Variants in PTPRQ observed in about 807,000 individuals in gnomAD.
PTPRQ encodes the protein protein tyrosine phosphatase receptor type Q.
PTPRQ carries 199 observed loss-of-function variants against 246.0 expected under a neutral mutation model. That is an observed-to-expected ratio of 0.81 (90% confidence interval 0.72 to 0.91). PTPRQ has a LOEUF of 0.91. PTPRQ is among the 40% of genes least tolerant of loss of function. The pLI is 0.00. For missense variants in PTPRQ, 2,624 were observed against 2,528.4 expected (o/e 1.04, Z -0.81); for synonymous variants, 869 against 853.2 (o/e 1.02, Z -0.32).
intron 24 of PTPRQ, among the ~76,000 whole-genome samples, chr12:80,547,870 GC>G (rs1896354974): frequency 6.6e-6 from 1 of 152,048 alleles, no homozygotes. Context: ...TATTACTGTT[GC>G]CCCCATTCCC....
chr12:80,547,433 C>T (rs892827738), intron 24 of PTPRQ, among the ~76,000 whole-genome samples: 51 of 151,908 alleles, frequency 3.4e-4, no homozygotes, highest in Non-Finnish European at 5.3e-4. Flanking sequence ...GTCATTTCTT[C>T]TTATCAGCTC....
rs562555844 is a variant in PTPRQ at position 80,484,408 on chromosome 12, T to TTTTC, written c.1187-6_1187-3dup. ...AAATATTTTTAATTTCCCCCTTTTC[T>TTTTC]TTTCTTTCTTTCTTTCTTTCTTAGT... On this transcript the variant is annotated intron_variant, in intron 8 of 44. Transcript: ENST00000644991. The TTTTC allele has an allele frequency of 0.018, 27,243 of 1,487,662 alleles. 2,112 individuals are homozygous for TTTTC. The African/African-American group carries it at 0.24, about 13-fold the overall frequency. The allele number at this position is 1,487,662 out of a possible 1,614,324, so 92.2% of individuals were successfully genotyped here. A position where few individuals can be genotyped will look rare whatever the true frequency, so the allele number is the denominator to read the frequency against.
chr12:80,612,858 A>T (rs1430433894), intron 28 of PTPRQ, among the ~76,000 whole-genome samples: 25 of 150,692 alleles, frequency 1.7e-4, no homozygotes. Flanking sequence ...AGAAGAATGT[A>T]CTATTAATAC....
intron 17 of PTPRQ, among the ~76,000 whole-genome samples, chr12:80,528,109 A>T (rs987689431): frequency 1.2e-4 from 18 of 152,276 alleles, no homozygotes; most frequent in African/African-American, 4.3e-4. Context: ...ATAAATAAAT[A>T]AATGGACATT....
intron 6 of PTPRQ, among the ~76,000 whole-genome samples, chr12:80,461,136 C>T (rs989598780): frequency 6.6e-6 from 1 of 152,164 alleles, no homozygotes. Flanking sequence ...GAGCCACTGA[C>T]CGTGATCCTC....
intron 8 of PTPRQ, among the ~76,000 whole-genome samples, chr12:80,482,430 A>T (rs1284832529): frequency 6.6e-6 from 1 of 152,074 alleles, no homozygotes; most frequent in African/African-American, 2.4e-5. Context: ...CCCTAGAAGA[A>T]AACCTAGGCA....
At chr12:80,578,871 A>C (rs2120985998) in intron 25 of PTPRQ, among the ~76,000 whole-genome samples, 1 of 152,276 alleles carries the variant, frequency 6.6e-6, no homozygotes, top group Admixed American at 6.5e-5. Flanking sequence ...TGCGATAACA[A>C]AGATTTACTA....
At chr12:80,493,588 G>A in intron 10 of PTPRQ, 133 bp downstream of exon 10, 1 of 1,305,616 alleles carries the variant, frequency 7.7e-7, no homozygotes, top group Non-Finnish European at 1.0e-6. Context: ...TTTTTTAGCT[G>A]TCGGAAAACC....
chr12:80,620,417 CTAGT>C, intron 32 of PTPRQ, 41 bp downstream of exon 32: 4 of 1,543,162 alleles, frequency 2.6e-6, no homozygotes, highest in Non-Finnish European at 3.5e-6. Flanking sequence ...TGTTAGCAAG[CTAGT>C]TAGTATCTTT....
intron 25 of PTPRQ, among the ~76,000 whole-genome samples, chr12:80,576,146 T>C (rs888978667): frequency 1.3e-5 from 2 of 152,210 alleles, no homozygotes; most frequent in Non-Finnish European, 2.9e-5. Context: ...CCACAGGTTT[T>C]TTTTTCTTTT....
intron 8 of PTPRQ, among the ~76,000 whole-genome samples, chr12:80,479,650 C>T (rs930371873): frequency 7.1e-6 from 1 of 141,032 alleles, no homozygotes; most frequent in Non-Finnish European, 1.5e-5. Context: ...TGCAGAGACA[C>T]ACATAGGCTC....
At chr12:80,483,077 G>A (rs1229991578) in intron 8 of PTPRQ, among the ~76,000 whole-genome samples, 13 of 122,722 alleles carry the variant, frequency 1.1e-4, no homozygotes, top group East Asian at 4.1e-4. Flanking sequence ...ACATGCACAC[G>A]TATGTTTATT....
In PTPRQ at chr12:80,549,746, G is replaced by T; in HGVS notation, c.4285+12G>T. 1 of 1,527,390 alleles carries T rather than the reference G, an allele frequency of 6.5e-7. No homozygotes were observed. 94.6% of individuals were successfully genotyped at this position (1,527,390 alleles called of 1,614,324 possible). A position where few individuals can be genotyped will look rare whatever the true frequency, so the allele number is the denominator to read the frequency against. On this transcript the variant is annotated intron_variant, in intron 25 of 44. Transcript: ENST00000644991. ...ACTACCTGAAACAGGTAACTAACGTGAAACAGGTAACTAACATGAAACCTT... is the reference window on the plus strand; with the variant it reads ...ACTACCTGAAACAGGTAACTAACGTTAAACAGGTAACTAACATGAAACCTT...
chr12:80,531,239 A>C (rs1895834242), intron 17 of PTPRQ, among the ~76,000 whole-genome samples: 2 of 152,148 alleles, frequency 1.3e-5, no homozygotes, highest in Non-Finnish European at 2.9e-5. Context: ...AACTACAAAA[A>C]CATTATGATA....
chr12:80,517,332 T>C (rs1489429183), intron 17 of PTPRQ, among the ~76,000 whole-genome samples: 3 of 152,154 alleles, frequency 2.0e-5, no homozygotes. Context: ...TTTACCGTGA[T>C]TCCCATCACA....
chr12:80,633,342 C>T (rs1899513711), intron 34 of PTPRQ, among the ~76,000 whole-genome samples: 2 of 151,972 alleles, frequency 1.3e-5, no homozygotes, highest in East Asian at 3.9e-4. Flanking sequence ...TATGGTAGAC[C>T]CCCTTCTCAT....
At position 80,529,815 on chromosome 12, in the gene PTPRQ, A is replaced by AT. The variant is rs936443512; in HGVS notation, c.2679-4191dup. The stretch of plus-strand genomic sequence containing the variant: ...TACAGAATAATTTCAAAGTAATTAA[A>AT]TTTTTTTTTCATTTCCTAAATTAGA... On this transcript the variant is annotated intron_variant, in intron 17 of 44. Coordinates refer to ENST00000644991, the MANE Select transcript of PTPRQ (RefSeq NM_001145026.2). Among the ~76,000 whole-genome samples, 30 of 151,744 alleles carry AT rather than the reference A, an allele frequency of 2.0e-4. 1 individual carries two copies. Among genetic ancestry groups the AT allele is most frequent in the African/African-American group, 4.1e-4 (17 of 41,402 alleles).
rs1275947766 is a variant in PTPRQ, at chr12:80,472,199, C to T, written c.1134C>T (p.Thr378=). 2.6e-6 allele frequency: 4 copies of T among 1,551,400 alleles called. No individual in the cohort carries two copies. The highest frequency in any genetic ancestry group is 3.5e-6 in the Non-Finnish European group (4 of 1,146,940). The change falls in exon 8 of 45, where the codon ACC becomes ACT. Residue 378 remains threonine, a synonymous_variant. Coordinates refer to ENST00000644991, the MANE Select transcript of PTPRQ (RefSeq NM_001145026.2). ...ATGATGTCTATATTGCGGCTGAAAC[C>T]AGTGCAGGGACTGGGCCCAAGTCAA... is the stretch of plus-strand genomic sequence containing the variant. ...TMYDVYIAAE[T]SAGTGPKSNI... is the part of the protein sequence containing the mutation.
rs553693349 is a variant in PTPRQ at position 80,583,379 on chromosome 12, CT to C, written c.4286-4745del. 5.9e-5 allele frequency among the ~76,000 whole-genome samples: 9 copies of C among 152,066 alleles called. No homozygotes were observed. In the South Asian group the frequency reaches 1.7e-3, roughly 28 times the overall value. ...ATTGAGATGGATGCGGAAGCAAAAT[CT>C]TTTTGAATCTTTTATATATAATGTT... On this transcript the variant is annotated intron_variant, in intron 25 of 44. Coordinates refer to ENST00000644991, the MANE Select transcript of PTPRQ (RefSeq NM_001145026.2).
Sources: gnomAD v4.1 joint callset for allele counts (sites outside exome capture counted in the v4.1 genomes callset) on GRCh38, gnomAD v4.1.1 for gene constraint, MANE v1.5 for transcripts, NCBI Gene and HGNC (gene_info 2026-07-23, HGNC 2026-07-21) for gene names.